PGLYRP3: variants seen among roughly 807,000 people sequenced by gnomAD.
PGLYRP3 encodes peptidoglycan recognition protein I alpha.
Under a neutral mutation model 36.0 loss-of-function variants are expected in PGLYRP3, and 39 were observed. The ratio of observed to expected loss-of-function variants is 1.08; its 90% CI spans 0.84 to 1.41. The LOEUF (loss-of-function observed/expected upper bound fraction) is 1.41, where lower values mean the gene tolerates loss of function less well. PGLYRP3 is among the 40% of genes most tolerant of loss of function. The pLI, the probability that PGLYRP3 is intolerant of heterozygous loss-of-function variation, is 0.00. For synonymous variants in PGLYRP3, 204 were observed against 172.8 expected (o/e 1.18, Z -1.42); for missense variants, 407 against 427.9 (o/e 0.95, Z 0.43).
In PGLYRP3 at chr1:153,297,980, G is replaced by A. The variant is rs1393167557; in HGVS notation, c.1002C>T (p.Ser334=). ...TTCAGTGCTTGAAATGAGGCCAGGT[G>A]CTGATGATGTTATACAAAGCCTGCC... is the stretch of plus-strand genomic sequence containing the variant. ...SPGQALYNII[S]TWPHFKH Residue 334 remains serine (S), a synonymous_variant, in exon 8 of 8, where the codon AGC becomes AGT. Coordinates refer to ENST00000683862, the MANE Select transcript of PGLYRP3 (RefSeq NM_052891.3). The A allele has an allele frequency of 3.7e-6, 6 of 1,613,806 alleles. No homozygotes were observed. Among genetic ancestry groups the A allele is most frequent in the African/African-American group, 1.3e-5 (1 of 74,818 alleles).
chr1:153,305,168 C>CT (rs1224645731), intron 3 of PGLYRP3, 103 bp from the exon 4 acceptor site: 2 of 854,714 alleles, frequency 2.3e-6, no homozygotes, highest in African/African-American at 3.4e-5. Flanking sequence ...TAAGTAAGTA[C>CT]TATGTTCCAA....
chr1:153,301,550 A>C (rs561718455), intron 6 of PGLYRP3, among the ~76,000 whole-genome samples: 7 of 152,336 alleles, frequency 4.6e-5, no homozygotes, highest in Admixed American at 3.9e-4. Context: ...ATTTCTTGTT[A>C]CCTGTGCTAA....
At chr1:153,306,962 G>T in intron 3 of PGLYRP3, 104 bp downstream of exon 3, 1 of 1,093,942 alleles carries the variant, frequency 9.1e-7, no homozygotes, top group Non-Finnish European at 1.3e-6. Flanking sequence ...CATTACAAAA[G>T]CAATGTAAAT....
Position 153,302,475 on chromosome 1 carries a change from T to G in PGLYRP3, c.662A>C (p.Gln221Pro). ...GGACTGTATGTTTCGGACGACAGTC[T>G]GGCAGTCTGTGGATACAGTGCAGCT... ...GTSCTVSTDC[Q>P]TVVRNIQSFH... The change falls in exon 6 of 8, where the codon CAG becomes CCG. Residue 221 changes from glutamine to proline, a missense_variant. Gln to Pro is a moderately conservative substitution (Grantham distance 76). Coordinates refer to ENST00000683862, the MANE Select transcript of PGLYRP3 (RefSeq NM_052891.3). The G allele has an allele frequency of 6.2e-7, 1 of 1,614,240 alleles. No homozygotes were observed. Among genetic ancestry groups the G allele is most frequent in the East Asian group, 2.2e-5 (1 of 44,880 alleles).
chr1:153,302,474 CT>C lies in PGLYRP3; in HGVS notation c.662del (p.Gln221ArgfsTer53), dbSNP rs746453414. 9 of 1,614,248 alleles carry C rather than the reference CT, an allele frequency of 5.6e-6. No individual in the cohort carries two copies. The South Asian group carries it at 9.9e-5, about 18-fold the overall frequency. ...AGGACTGTATGTTTCGGACGACAGT[CT>C]GGCAGTCTGTGGATACAGTGCAGCT... ...GTSCTVSTDC[Q>X]TVVRNIQSFH... is the part of the protein sequence containing the mutation. On this transcript the variant is annotated frameshift_variant, in exon 6 of 8. Transcript: ENST00000683862. LOFTEE classifies it high-confidence loss of function.
chr1:153,299,340 T>C, intron 6 of PGLYRP3, 109 bp from the exon 7 acceptor site: 2 of 829,176 alleles, frequency 2.4e-6, no homozygotes, highest in Non-Finnish European at 3.9e-6. Flanking sequence ...CATCCAATAT[T>C]GACTGGAGAT....
At position 153,303,856 on chromosome 1, in the gene PGLYRP3, C is replaced by T; in HGVS notation, c.529+1G>A. Reference sequence around the variant, plus strand: ...GGGTGAGGTGACATGGAGGGTCTTACCCTTCCTGGGCATCACTGGATGTTG... The same window carrying T: ...GGGTGAGGTGACATGGAGGGTCTTATCCTTCCTGGGCATCACTGGATGTTG... On this transcript the variant is annotated splice_donor_variant, in intron 5 of 7. Coordinates refer to ENST00000683862, the MANE Select transcript of PGLYRP3 (RefSeq NM_052891.3). LOFTEE classifies it high-confidence loss of function. The T allele has an allele frequency of 6.2e-7, 1 of 1,611,580 alleles. No individual in the cohort carries two copies. Among genetic ancestry groups the T allele is most frequent in the Non-Finnish European group, 8.5e-7 (1 of 1,178,738 alleles).
intron 2 of PGLYRP3, among the ~76,000 whole-genome samples, chr1:153,307,787 C>CA (rs1362580629): frequency 6.6e-6 from 1 of 152,164 alleles, no homozygotes; most frequent in Non-Finnish European, 1.5e-5. Flanking sequence ...TCCATAAACA[C>CA]GGGGTCTGCA....
rs150383154 is a variant in PGLYRP3, at chr1:153,297,449, GGGGA to G, written c.*503_*506del. On this transcript the variant is annotated 3_prime_UTR_variant, in exon 8 of 8. Coordinates refer to ENST00000683862, the MANE Select transcript of PGLYRP3 (RefSeq NM_052891.3). ...GCTCACCAGGCAGAGGCGGGGAGAG[GGGGA>G]GAGAGAGAGAGAGAGAGAGAGAGTG... is the stretch of plus-strand genomic sequence containing the variant. Among the ~76,000 whole-genome samples the G allele has an allele frequency of 0.45, 50,568 of 113,122 alleles. 12,202 individuals are homozygous for G. The highest frequency in any genetic ancestry group is 0.5 in the Non-Finnish European group (28,591 of 56,718). 74.2% of individuals were successfully genotyped at this position (113,122 alleles called of 152,430 possible).
At chr1:153,299,836 A>C (rs1288177161) in intron 6 of PGLYRP3, among the ~76,000 whole-genome samples, 1 of 152,130 alleles carries the variant, frequency 6.6e-6, no homozygotes, top group Non-Finnish European at 1.5e-5. Flanking sequence ...CACTCAGCCC[A>C]CCTGGTCACC....
At chr1:153,310,571 C>T (rs1406077893) in intron 2 of PGLYRP3, 40 bp downstream of exon 2, 6 of 1,595,062 alleles carry the variant, frequency 3.8e-6, no homozygotes, top group Non-Finnish European at 5.2e-6. Context: ...TCTTCTCTTG[C>T]TCATCAAAAG....
At chr1:153,309,061 TG>T (rs1659832191) in intron 2 of PGLYRP3, among the ~76,000 whole-genome samples, 2 of 152,352 alleles carry the variant, frequency 1.3e-5, no homozygotes, top group South Asian at 4.2e-4. Flanking sequence ...TACAGATTAT[TG>T]TGACCGCCTT....
At chr1:153,301,679 T>A (rs1659601420) in intron 6 of PGLYRP3, among the ~76,000 whole-genome samples, 1 of 152,248 alleles carries the variant, frequency 6.6e-6, no homozygotes, top group Non-Finnish European at 1.5e-5. Context: ...GAACAACACA[T>A]GTGCAAAAGC....
chr1:153,299,088 C>T, intron 7 of PGLYRP3, 25 bp downstream of exon 7: 1 of 1,590,316 alleles, frequency 6.3e-7, no homozygotes, highest in South Asian at 1.1e-5. Context: ...CCCCAGCACC[C>T]CTCTACCCCA....
At chr1:153,306,784 C>T (rs1659748374) in intron 3 of PGLYRP3, among the ~76,000 whole-genome samples, 1 of 152,170 alleles carries the variant, frequency 6.6e-6, no homozygotes, top group South Asian at 2.1e-4. Flanking sequence ...TGTAACGTTT[C>T]GTGAGTTCCA....
chr1:153,300,363 A>G (rs1234345832), intron 6 of PGLYRP3, among the ~76,000 whole-genome samples: 1 of 152,204 alleles, frequency 6.6e-6, no homozygotes. Flanking sequence ...GAGACTCATC[A>G]TATACATTAT....
intron 3 of PGLYRP3, 22 bp from the exon 4 acceptor site, chr1:153,305,087 T>G (rs746509882): frequency 2.3e-5 from 36 of 1,584,052 alleles, no homozygotes; most frequent in Non-Finnish European, 3.0e-5. Flanking sequence ...GAAATAATGA[T>G]TTTACTGCAA....
intron 2 of PGLYRP3, among the ~76,000 whole-genome samples, chr1:153,310,057 C>T (rs781644335): frequency 1.3e-5 from 2 of 152,188 alleles, no homozygotes; most frequent in Non-Finnish European, 2.9e-5. Flanking sequence ...TTAAGAATCA[C>T]CAAGCTCACT....
intron 2 of PGLYRP3, 77 bp downstream of exon 2, chr1:153,310,534 G>C (rs765079377): frequency 6.9e-7 from 1 of 1,449,532 alleles, no homozygotes; most frequent in East Asian, 2.3e-5. Flanking sequence ...CACTCGGATG[G>C]GTTTCTATTA....
Sources: gnomAD v4.1 joint callset for allele counts (sites outside exome capture counted in the v4.1 genomes callset) on GRCh38, gnomAD v4.1.1 for gene constraint, MANE v1.5 for transcripts, NCBI Gene and HGNC (gene_info 2026-07-23, HGNC 2026-07-21) for gene names.